Variants in MNAT1 observed in about 807,000 individuals in gnomAD.
MNAT1 encodes the protein CDK-activating kinase assembly factor MAT1.
In MNAT1, 43 loss-of-function variants were observed where a neutral mutation model predicts 42.0. That is an observed-to-expected ratio of 1.02 (90% CI 0.80 to 1.32). The LOEUF (loss-of-function observed/expected upper bound fraction) is 1.32, where lower values mean the gene tolerates loss of function less well. Among genes scored for constraint, MNAT1 ranks in the 40% most tolerant of loss-of-function variants. The pLI, the probability that MNAT1 is intolerant of heterozygous loss-of-function variation, is 0.00. For missense variants in MNAT1, 306 were observed against 350.4 expected (o/e 0.87, Z 1.01); for synonymous variants, 118 against 120.0 (o/e 0.98, Z 0.11).
In MNAT1 at chr14:60,745,073, C is replaced by T. The variant is rs151322893; in HGVS notation, c.89+10122C>T. Reference sequence around the variant, plus strand: ...GTGGATTTCAGCCACATCAACTACCCTGCATTCTGATCTCTGCCTATTTGG... The same window carrying T: ...GTGGATTTCAGCCACATCAACTACCTTGCATTCTGATCTCTGCCTATTTGG... On this transcript the variant is annotated intron_variant, in intron 1 of 7. Coordinates refer to ENST00000261245, the MANE Select transcript of MNAT1 (RefSeq NM_002431.4). 1.8e-3 allele frequency among the ~76,000 whole-genome samples: 278 copies of T among 152,332 alleles called. 1 individual carries two copies. Among genetic ancestry groups the T allele is most frequent in the African/African-American group, 6.0e-3 (250 of 41,572 alleles).
chr14:60,929,170 AATATAT>A (rs57354716), intron 7 of MNAT1, among the ~76,000 whole-genome samples: 25 of 47,460 alleles, frequency 5.3e-4, no homozygotes, highest in African/African-American at 2.8e-3. Context: ...AAAAAAAAAA[AATATAT>A]ATATATATAT....
intron 7 of MNAT1, among the ~76,000 whole-genome samples, chr14:60,885,032 A>C (rs574308338): frequency 1.3e-5 from 2 of 151,976 alleles, no homozygotes. Context: ...TAAGGTTTCC[A>C]CTGAAGAGTT....
At chr14:60,845,498 C>T (rs2033659733) in intron 6 of MNAT1, among the ~76,000 whole-genome samples, 1 of 151,984 alleles carries the variant, frequency 6.6e-6, no homozygotes, top group Non-Finnish European at 1.5e-5. Flanking sequence ...TGTTGTTGAT[C>T]TAGTCACTGA....
intron 1 of MNAT1, among the ~76,000 whole-genome samples, chr14:60,741,657 G>A (rs1199232802): frequency 1.4e-4 from 3 of 20,904 alleles, no homozygotes; most frequent in Non-Finnish European, 4.0e-4. Context: ...CTGCGCCTGG[G>A]GTTTTTTTTT....
At chr14:60,847,596 ATGTT>A (rs1238209030) in intron 6 of MNAT1, among the ~76,000 whole-genome samples, 1 of 151,718 alleles carries the variant, frequency 6.6e-6, no homozygotes, top group African/African-American at 2.4e-5. Flanking sequence ...TTTACGTTTA[ATGTT>A]TGTTTTGTAT....
At chr14:60,761,515 T>C (rs1388972273) in intron 1 of MNAT1, among the ~76,000 whole-genome samples, 2 of 152,334 alleles carry the variant, frequency 1.3e-5, no homozygotes, top group East Asian at 1.9e-4. Context: ...TTGTTTATTT[T>C]TCAATCCTTA....
chr14:60,921,369 T>G (rs2139552861), intron 7 of MNAT1, among the ~76,000 whole-genome samples: 1 of 152,258 alleles, frequency 6.6e-6, no homozygotes, highest in South Asian at 2.1e-4. Context: ...TATAGAAAAA[T>G]TTTGAAAATA....
chr14:60,942,003 C>CA (rs3080602), intron 7 of MNAT1, among the ~76,000 whole-genome samples: 18,012 of 29,894 alleles, frequency 0.6, 7,836 homozygotes, highest in East Asian at 0.7. Context: ...GGCTCCATCT[C>CA]AAAAAAAAAA....
chr14:60,805,971 C>G (rs1463593522), intron 3 of MNAT1, among the ~76,000 whole-genome samples: 2 of 152,176 alleles, frequency 1.3e-5, no homozygotes, highest in Non-Finnish European at 2.9e-5. Flanking sequence ...TCCAAAGTGG[C>G]TATACCATTT....
chr14:60,763,891 G>A (rs2030708210), intron 1 of MNAT1, among the ~76,000 whole-genome samples: 1 of 152,126 alleles, frequency 6.6e-6, no homozygotes, highest in Admixed American at 6.5e-5. Context: ...CTTTAGATAT[G>A]GTTATTTAAT....
At chr14:60,875,506 T>C (rs2034417641) in intron 6 of MNAT1, among the ~76,000 whole-genome samples, 1 of 152,166 alleles carries the variant, frequency 6.6e-6, no homozygotes, top group Admixed American at 6.6e-5. Context: ...CCCCATTTCC[T>C]CATTCATAAA....
chr14:60,826,839 T>C (rs1436310317), intron 6 of MNAT1, among the ~76,000 whole-genome samples: 1 of 152,206 alleles, frequency 6.6e-6, no homozygotes, highest in African/African-American at 2.4e-5. Context: ...CTATTCTTCA[T>C]TACATCATTC....
At chr14:60,813,592 G>A (rs953704627) in intron 5 of MNAT1, among the ~76,000 whole-genome samples, 1 of 152,156 alleles carries the variant, frequency 6.6e-6, no homozygotes, top group Non-Finnish European at 1.5e-5. Context: ...AGTTACAAAG[G>A]GAATGGATAT....
chr14:60,940,302 T>C (rs1326096720), intron 7 of MNAT1, among the ~76,000 whole-genome samples: 1 of 152,262 alleles, frequency 6.6e-6, no homozygotes, highest in Non-Finnish European at 1.5e-5. Context: ...TTTTGCTCAT[T>C]AGTTGATGCA....
In MNAT1 at chr14:60,775,310, G is replaced by A. The variant is rs4151184; in HGVS notation, c.90-20907G>A. ...ATTAACTATTGGCTTTGGCAAGATT[G>A]AGGATATTGGTAAAATTCATGAGAA... On this transcript the variant is annotated intron_variant, in intron 1 of 7. Coordinates refer to ENST00000261245, the MANE Select transcript of MNAT1 (RefSeq NM_002431.4). Among the ~76,000 whole-genome samples, 274 of 152,258 alleles carry A rather than the reference G, an allele frequency of 1.8e-3. No homozygotes were observed. The East Asian group carries it at 0.028, about 16-fold the overall frequency.
chr14:60,774,682 C>A (rs1306939554), intron 1 of MNAT1, among the ~76,000 whole-genome samples: 1 of 152,206 alleles, frequency 6.6e-6, no homozygotes, highest in East Asian at 1.9e-4. Context: ...TGGCCAAAAG[C>A]AGATGTATTT....
intron 7 of MNAT1, among the ~76,000 whole-genome samples, chr14:60,887,332 G>C (rs1346914994): frequency 6.6e-6 from 1 of 150,850 alleles, no homozygotes; most frequent in Non-Finnish European, 1.5e-5. Flanking sequence ...CTGGTGTGCT[G>C]TACCCATTAA....
chr14:60,865,957 C>T (rs890158905), intron 6 of MNAT1, among the ~76,000 whole-genome samples: 2 of 152,082 alleles, frequency 1.3e-5, no homozygotes, highest in Non-Finnish European at 2.9e-5. Context: ...AGGGCTGTTT[C>T]AGCCTTCAGA....
intron 6 of MNAT1, among the ~76,000 whole-genome samples, chr14:60,827,818 A>G (rs143287837): frequency 1.2e-3 from 180 of 152,314 alleles, no homozygotes; most frequent in African/African-American, 4.1e-3. Flanking sequence ...ATAATTAACT[A>G]GGTGAGTATC....
Sources: gnomAD v4.1 joint callset for allele counts (sites outside exome capture counted in the v4.1 genomes callset) on GRCh38, gnomAD v4.1.1 for gene constraint, MANE v1.5 for transcripts, NCBI Gene and HGNC (gene_info 2026-07-23, HGNC 2026-07-21) for gene names.